GULP1: variants seen among roughly 807,000 people sequenced by gnomAD.
GULP1 encodes the protein GULP PTB domain containing engulfment adaptor 1, also known as PTB domain-containing engulfment adapter protein 1.
A neutral mutation model predicts 40.9 loss-of-function variants in GULP1; 19 were observed. The observed-to-expected ratio is 0.46, with a 90% CI of 0.32 to 0.68. The LOEUF (loss-of-function observed/expected upper bound fraction) is 0.68. GULP1 is among the 30% of genes least tolerant of loss of function. GULP1 has a pLI of 0.03. For synonymous variants in GULP1, 119 were observed against 117.6 expected (o/e 1.01, Z -0.08); for missense variants, 312 against 362.2 (o/e 0.86, Z 1.12).
chr2:188,326,375 T>C (rs1477017696), intron 1 of GULP1, among the ~76,000 whole-genome samples: 1 of 152,138 alleles, frequency 6.6e-6, no homozygotes, highest in Admixed American at 6.6e-5. Context: ...GTGAAATGTT[T>C]TACAGATTTA....
intron 7 of GULP1, among the ~76,000 whole-genome samples, chr2:188,543,014 C>T (rs551040531): frequency 6.6e-6 from 1 of 151,960 alleles, no homozygotes; most frequent in South Asian, 2.1e-4. Flanking sequence ...GTTTTATATT[C>T]TTTGATCCCT....
chr2:188,463,670 A>T (rs1575422614), intron 2 of GULP1, among the ~76,000 whole-genome samples: 2 of 151,380 alleles, frequency 1.3e-5, no homozygotes, highest in East Asian at 3.9e-4. Flanking sequence ...GATGCTGTCC[A>T]TGCACTTCAT....
intron 1 of GULP1, among the ~76,000 whole-genome samples, chr2:188,314,776 C>G (rs886748177): frequency 2.6e-5 from 4 of 152,106 alleles, no homozygotes; most frequent in Non-Finnish European, 5.9e-5. Context: ...ATGGAAAATT[C>G]CAGAAATAAA....
At chr2:188,416,227 A>G (rs1290348882) in intron 2 of GULP1, among the ~76,000 whole-genome samples, 1 of 150,242 alleles carries the variant, frequency 6.7e-6, no homozygotes, top group Non-Finnish European at 1.5e-5. Flanking sequence ...GTCCCACACT[A>G]CTTTCTTCTT....
chr2:188,418,763 T>G (rs2054938586), intron 2 of GULP1, among the ~76,000 whole-genome samples: 1 of 152,256 alleles, frequency 6.6e-6, no homozygotes, highest in South Asian at 2.1e-4. Flanking sequence ...TTTAGTAAAC[T>G]TTTAAATGTG....
At position 188,584,369 on chromosome 2, in the gene GULP1, G is replaced by A. The variant is rs1559407050; in HGVS notation, c.714G>A (p.Gln238=). The A allele has an allele frequency of 6.2e-7, 1 of 1,606,664 alleles. No homozygotes were observed. The highest frequency in any genetic ancestry group is 1.1e-5 in the South Asian group (1 of 90,812). Residue 238 remains glutamine (Q), a synonymous_variant, in exon 10 of 12, where the codon CAG becomes CAA. Transcript: ENST00000409830. ...QSSMPTRNGT[Q]PPPVPSRSTE... is the part of the protein sequence containing the mutation. Reference sequence around the variant, plus strand: ...CGATGCCTACTCGCAATGGCACACAGCCACCTCCAGTACCTAGTAGATCTA... The same window carrying A: ...CGATGCCTACTCGCAATGGCACACAACCACCTCCAGTACCTAGTAGATCTA...
At chr2:188,403,113 G>A (rs530775872) in intron 2 of GULP1, among the ~76,000 whole-genome samples, 2 of 152,084 alleles carry the variant, frequency 1.3e-5, no homozygotes, top group East Asian at 3.9e-4. Context: ...ATCTTATTAT[G>A]AGACTATCTG....
intron 6 of GULP1, among the ~76,000 whole-genome samples, chr2:188,530,434 TG>T (rs1687242533): frequency 6.6e-6 from 1 of 152,218 alleles, no homozygotes; most frequent in African/African-American, 2.4e-5. Flanking sequence ...TGGACTAAAG[TG>T]TTTCCTTCCA....
intron 9 of GULP1, among the ~76,000 whole-genome samples, chr2:188,577,745 T>A (rs1354861716): frequency 6.6e-6 from 1 of 152,000 alleles, no homozygotes; most frequent in African/African-American, 2.4e-5. Flanking sequence ...GACCTAGAAA[T>A]CTGAAAAAAC....
Position 188,594,259 on chromosome 2 carries a change from A to G in GULP1, c.*248A>G, listed in dbSNP as rs1704130175. ...TGTTTCTACTGTAGATGAATTTGTA[A>G]TTGAAAGACATATTATACAAATACC... On this transcript the variant is annotated 3_prime_UTR_variant, in exon 12 of 12. Coordinates refer to ENST00000409830, the MANE Select transcript of GULP1 (RefSeq NM_016315.4). The G allele has an allele frequency of 3.6e-6, 1 of 281,598 alleles. No individual in the cohort carries two copies. The highest frequency in any genetic ancestry group is 6.6e-6 in the Non-Finnish European group (1 of 151,742). 17.4% of individuals were successfully genotyped at this position (281,598 alleles called of 1,614,324 possible). A position where few individuals can be genotyped will look rare whatever the true frequency, so the allele number is the denominator to read the frequency against.
At chr2:188,368,560 A>G (rs1240972436) in intron 1 of GULP1, among the ~76,000 whole-genome samples, 2 of 152,060 alleles carry the variant, frequency 1.3e-5, no homozygotes, top group African/African-American at 4.8e-5. Context: ...CAGCCTGGGT[A>G]ACAGAGCGAG....
chr2:188,395,994 C>A (rs1284220201), intron 2 of GULP1, among the ~76,000 whole-genome samples: 7 of 152,130 alleles, frequency 4.6e-5, no homozygotes, highest in Non-Finnish European at 1.0e-4. Context: ...CATGATTAGC[C>A]AGGGTGTTGC....
chr2:188,322,013 G>A (rs1217346963), intron 1 of GULP1, among the ~76,000 whole-genome samples: 1 of 152,024 alleles, frequency 6.6e-6, no homozygotes, highest in East Asian at 1.9e-4. Context: ...CAACAGGAGT[G>A]AAACTCTGTC....
intron 1 of GULP1, among the ~76,000 whole-genome samples, chr2:188,360,492 A>G (rs1035156434): frequency 2.0e-5 from 3 of 152,210 alleles, no homozygotes; most frequent in East Asian, 1.9e-4. Flanking sequence ...GGATGCATCA[A>G]ATCATAGAAA....
chr2:188,408,550 A>T (rs9917383), intron 2 of GULP1, among the ~76,000 whole-genome samples: 10 of 152,202 alleles, frequency 6.6e-5, no homozygotes, highest in African/African-American at 1.9e-4. Context: ...AGAGAGAGAT[A>T]GACTGTAGTA....
intron 3 of GULP1, among the ~76,000 whole-genome samples, chr2:188,480,832 T>C (rs2153050397): frequency 6.6e-6 from 1 of 152,080 alleles, no homozygotes; most frequent in Non-Finnish European, 1.5e-5. Context: ...TTAGTTGACA[T>C]ACTATTGAGT....
intron 1 of GULP1, among the ~76,000 whole-genome samples, chr2:188,379,896 C>T (rs952245349): frequency 2.0e-5 from 3 of 152,144 alleles, no homozygotes; most frequent in Non-Finnish European, 4.4e-5. Context: ...CCTCACTGGA[C>T]AGCTTCTGTG....
chr2:188,482,129 G>A (rs1411467067), intron 3 of GULP1, among the ~76,000 whole-genome samples: 1 of 151,646 alleles, frequency 6.6e-6, no homozygotes, highest in Non-Finnish European at 1.5e-5. Flanking sequence ...AATTCTCTTG[G>A]CCCTTCATCT....
chr2:188,483,499 A>G lies in GULP1; in HGVS notation c.90+7A>G. The G allele has an allele frequency of 2.4e-6, 3 of 1,231,926 alleles. No individual in the cohort carries two copies. The highest frequency in any genetic ancestry group is 2.1e-4 in the Middle Eastern group (1 of 4,808). The allele number at this position is 1,231,926 out of a possible 1,614,324, so 76.3% of individuals were successfully genotyped here. A position where few individuals can be genotyped will look rare whatever the true frequency, so the allele number is the denominator to read the frequency against. On this transcript the variant is annotated splice_region_variant and intron_variant, in intron 4 of 11. Coordinates refer to ENST00000409830, the MANE Select transcript of GULP1 (RefSeq NM_016315.4). ...CATTCCCTATAATGCAAAGGTAAAAATAGTTCATTTATTATTTAATTTTAT... is the reference window on the plus strand; with the variant it reads ...CATTCCCTATAATGCAAAGGTAAAAGTAGTTCATTTATTATTTAATTTTAT...
Sources: gnomAD v4.1 joint callset for allele counts (sites outside exome capture counted in the v4.1 genomes callset) on GRCh38, gnomAD v4.1.1 for gene constraint, MANE v1.5 for transcripts, NCBI Gene and HGNC (gene_info 2026-07-23, HGNC 2026-07-21) for gene names.